Variants in ESR1 observed in about 807,000 individuals in gnomAD.
The protein encoded by ESR1 is estrogen receptor.
Under a neutral mutation model 52.7 loss-of-function variants are expected in ESR1, and 12 were observed. The observed-to-expected ratio is 0.23, with a 90% CI of 0.15 to 0.37. ESR1 has a LOEUF of 0.37. ESR1 is among the 10% of genes least tolerant of loss of function. The pLI, the probability that ESR1 is intolerant of heterozygous loss-of-function variation, is 1.00. For synonymous variants in ESR1, 305 were observed against 316.8 expected (o/e 0.96, Z 0.39); for missense variants, 584 against 779.7 (o/e 0.75, Z 2.99).
intron 6 of ESR1, among the ~76,000 whole-genome samples, chr6:152,091,696 G>T (rs1009050721): frequency 1.3e-5 from 2 of 152,134 alleles, no homozygotes; most frequent in Non-Finnish European, 2.9e-5. Flanking sequence ...ATGGTGAAAT[G>T]CTGTCTCTTG....
intron 1 of ESR1, among the ~76,000 whole-genome samples, chr6:151,826,661 C>T (rs1001161539): frequency 2.0e-5 from 3 of 152,166 alleles, no homozygotes; most frequent in African/African-American, 7.2e-5. Flanking sequence ...GTCTCCCGTG[C>T]TCTTACCTCA....
intron 2 of ESR1, among the ~76,000 whole-genome samples, chr6:151,770,312 A>G (rs1397111580): frequency 2.0e-5 from 3 of 152,198 alleles, no homozygotes; most frequent in African/African-American, 7.2e-5. Context: ...TGAACTCAGA[A>G]TGTTAATGAA....
chr6:151,782,150 A>G (rs1786604732), intron 2 of ESR1, among the ~76,000 whole-genome samples: 1 of 152,220 alleles, frequency 6.6e-6, no homozygotes, highest in African/African-American at 2.4e-5. Flanking sequence ...CTACAGATCA[A>G]TCAACAACCT....
chr6:151,890,295 C>A (rs1794513608), intron 3 of ESR1, among the ~76,000 whole-genome samples: 1 of 152,100 alleles, frequency 6.6e-6, no homozygotes, highest in African/African-American at 2.4e-5. Flanking sequence ...CCATTTGGGT[C>A]AGGCTGCTCT....
At chr6:152,047,651 A>T (rs2046329339) in intron 5 of ESR1, among the ~76,000 whole-genome samples, 2 of 152,284 alleles carry the variant, frequency 1.3e-5, no homozygotes, top group South Asian at 4.1e-4. Flanking sequence ...GCAGAGAAAA[A>T]TACAAATCCA....
upstream of ESR1, among the ~76,000 whole-genome samples, chr6:151,688,293 T>C (rs1778767029): frequency 6.6e-6 from 1 of 152,230 alleles, no homozygotes; most frequent in African/African-American, 2.4e-5. Flanking sequence ...ACAAAGCACG[T>C]GTGTTCCCAT....
intron 6 of ESR1, chr6:152,122,392 C>T (rs945323176): frequency 1.2e-6 from 2 of 1,613,606 alleles, no homozygotes; most frequent in Non-Finnish European, 8.5e-7. Context: ...ATGACCCGAT[C>T]CTCCTTATGC....
chr6:151,822,079 G>A (rs1267936342), intron 1 of ESR1, among the ~76,000 whole-genome samples: 2 of 151,886 alleles, frequency 1.3e-5, no homozygotes, highest in Non-Finnish European at 2.9e-5. Context: ...CAAAACTATA[G>A]CATTTTTTCA....
chr6:151,848,532 A>G (rs575158531), intron 2 of ESR1, among the ~76,000 whole-genome samples: 65 of 151,170 alleles, frequency 4.3e-4, no homozygotes, highest in Non-Finnish European at 7.5e-4. Flanking sequence ...GGGCTTGGGG[A>G]CTCACTCTTG....
intron 1 of ESR1, among the ~76,000 whole-genome samples, chr6:151,838,709 A>G (rs1583578992): frequency 1.3e-5 from 2 of 152,176 alleles, no homozygotes; most frequent in East Asian, 3.8e-4. Context: ...CCAAAATGAT[A>G]ATTGACAATG....
intron 2 of ESR1, among the ~76,000 whole-genome samples, chr6:151,736,570 G>T (rs1365433268): frequency 1.3e-5 from 2 of 151,744 alleles, no homozygotes; most frequent in Non-Finnish European, 2.9e-5. Context: ...TACTAAACAG[G>T]GTTTCCCCAT....
chr6:152,097,175 CACAT>C (rs2050680197), intron 7 of ESR1, among the ~76,000 whole-genome samples: 1 of 152,102 alleles, frequency 6.6e-6, no homozygotes, highest in Non-Finnish European at 1.5e-5. Context: ...CACACACACA[CACAT>C]ACACACACAC....
chr6:151,738,527 C>T (rs1231037572), intron 2 of ESR1, among the ~76,000 whole-genome samples: 1 of 152,174 alleles, frequency 6.6e-6, no homozygotes, highest in Non-Finnish European at 1.5e-5. Context: ...CCAATGCTCG[C>T]TATTTTTTGG....
intron 2 of ESR1, among the ~76,000 whole-genome samples, chr6:151,757,214 C>G (rs1784357722): frequency 1.4e-5 from 2 of 145,318 alleles, no homozygotes; most frequent in African/African-American, 5.3e-5. Context: ...TTTACTGGTA[C>G]TGAGGCTATT....
chr6:151,762,987 T>C (rs1289494777), intron 2 of ESR1, among the ~76,000 whole-genome samples: 1 of 151,570 alleles, frequency 6.6e-6, no homozygotes, highest in East Asian at 1.9e-4. Context: ...ATTTTTAATA[T>C]ATTTCAATAT....
chr6:151,953,124 A>C (rs570002215), intron 4 of ESR1, among the ~76,000 whole-genome samples: 1 of 152,194 alleles, frequency 6.6e-6, no homozygotes, highest in Non-Finnish European at 1.5e-5. Flanking sequence ...TCCAAGATGC[A>C]TGTGGCTGAC....
At chr6:151,801,156 A>T (rs58202367), upstream of ESR1, among the ~76,000 whole-genome samples, 4 of 151,948 alleles carry the variant, frequency 2.6e-5, no homozygotes, top group African/African-American at 9.7e-5. Flanking sequence ...ATTGCTCTTC[A>T]TAGAGAAATA....
intron 4 of ESR1, among the ~76,000 whole-genome samples, chr6:151,960,924 G>A (rs148554583): frequency 1.1e-4 from 16 of 152,292 alleles, no homozygotes; most frequent in Admixed American, 4.6e-4. Context: ...TGGGCTGGGC[G>A]TAGTATGTGA....
intron 5 of ESR1, among the ~76,000 whole-genome samples, chr6:152,046,289 TA>T (rs2046220887): frequency 6.6e-6 from 1 of 152,228 alleles, no homozygotes; most frequent in Non-Finnish European, 1.5e-5. Context: ...GACTATTTAT[TA>T]ATAGAGTAGG....
Sources: gnomAD v4.1 joint callset for allele counts (sites outside exome capture counted in the v4.1 genomes callset) on GRCh38, gnomAD v4.1.1 for gene constraint, MANE v1.5 for transcripts, NCBI Gene and HGNC (gene_info 2026-07-23, HGNC 2026-07-21) for gene names.